The following SP4 variants were observed in gnomAD, a reference collection of about 807,000 sequenced individuals.
SP4 encodes Sp4 transcription factor, also known as transcription factor Sp4.
In SP4, 19 loss-of-function variants were observed where a neutral mutation model predicts 72.8. That is an observed-to-expected ratio of 0.26 (90% confidence interval 0.18 to 0.38). SP4 has a LOEUF of 0.38. SP4 is among the 10% of genes least tolerant of loss of function. The probability of loss-of-function intolerance (pLI) is 1.00; values close to 1 mark genes in which losing one functional copy is unlikely to be tolerated. For synonymous variants in SP4, 395 were observed against 333.1 expected, an observed-to-expected ratio of 1.19 and a Z score of -2.02; for missense variants, 1,008 against 926.3, an observed-to-expected ratio of 1.09 and a Z score of -1.14.
At chr7:21,495,423 A>T (rs571530253) in intron 5 of SP4, among the ~76,000 whole-genome samples, 40 of 150,796 alleles carry the variant, frequency 2.7e-4, no homozygotes, top group East Asian at 1.8e-3. Flanking sequence ...TTTTTTTTTT[A>T]AATGAGCAAA....
In SP4 at chr7:21,430,737, T is replaced by C. The variant is rs1440432009; in HGVS notation, c.1572T>C (p.Thr524=). 1.9e-6 allele frequency: 3 copies of C among 1,614,240 alleles called. No homozygotes were observed. The highest frequency in any genetic ancestry group is 2.5e-6 in the Non-Finnish European group (3 of 1,180,034). Residue 524 remains threonine, a synonymous_variant, in exon 3 of 6, where the codon ACT becomes ACC. Coordinates refer to ENST00000222584, the MANE Select transcript of SP4 (RefSeq NM_003112.5). ...CTGGTGCCCCAATAACTTTGAATAC[T>C]GCCCAGCTTGCATCAGTGCCTAACC... ...AVAGAPITLN[T]AQLASVPNLQ... is the part of the protein sequence containing the mutation.
chr7:21,495,570 C>G (rs921327671), intron 5 of SP4, among the ~76,000 whole-genome samples: 3 of 152,026 alleles, frequency 2.0e-5, no homozygotes, highest in African/African-American at 7.2e-5. Context: ...TGGCTAAAAT[C>G]AAAAGCAAGA....
chr7:21,480,997 G>T (rs1784669313), intron 4 of SP4, among the ~76,000 whole-genome samples: 1 of 152,182 alleles, frequency 6.6e-6, no homozygotes, highest in Non-Finnish European at 1.5e-5. Flanking sequence ...CCTGCTTTAA[G>T]AGCTGAGTGC....
At chr7:21,445,171 T>C (rs1783382446) in intron 3 of SP4, among the ~76,000 whole-genome samples, 1 of 152,138 alleles carries the variant, frequency 6.6e-6, no homozygotes, top group African/African-American at 2.4e-5. Context: ...TTTTTTCCCT[T>C]TCTTTTATTT....
At chr7:21,492,969 A>T (rs1165368445) in intron 5 of SP4, among the ~76,000 whole-genome samples, 2 of 152,202 alleles carry the variant, frequency 1.3e-5, no homozygotes, top group East Asian at 1.9e-4. Flanking sequence ...GGAGGCCAAG[A>T]CAGGTGGATC....
intron 3 of SP4, among the ~76,000 whole-genome samples, chr7:21,451,449 T>TA: frequency 6.6e-6 from 1 of 152,126 alleles, no homozygotes; most frequent in African/African-American, 2.4e-5. Context: ...TTTCCTCCCT[T>TA]AAGAGTCCAA....
intron 4 of SP4, among the ~76,000 whole-genome samples, chr7:21,480,412 G>T (rs1784651579): frequency 6.6e-6 from 1 of 152,076 alleles, no homozygotes; most frequent in Non-Finnish European, 1.5e-5. Flanking sequence ...CTTGTTGTAG[G>T]TGTATTCTGA....
At chr7:21,466,745 A>G (rs1367288330) in intron 3 of SP4, among the ~76,000 whole-genome samples, 1 of 152,152 alleles carries the variant, frequency 6.6e-6, no homozygotes, top group Non-Finnish European at 1.5e-5. Flanking sequence ...TCCATAAGGC[A>G]AAGAAGTATT....
chr7:21,468,692 C>T (rs1157794671), intron 3 of SP4, among the ~76,000 whole-genome samples: 1 of 151,954 alleles, frequency 6.6e-6, no homozygotes, highest in Non-Finnish European at 1.5e-5. Flanking sequence ...TAAATCATGA[C>T]AGTTTCGTTA....
chr7:21,447,919 A>G (rs1281488324), intron 3 of SP4, among the ~76,000 whole-genome samples: 2 of 152,174 alleles, frequency 1.3e-5, no homozygotes, highest in Admixed American at 6.5e-5. Flanking sequence ...CCTGACCTCA[A>G]GTGATCCTCT....
Position 21,429,995 on chromosome 7 carries a change from G to C in SP4, c.830G>C (p.Gly277Ala). ...ALPVINNVAAGGGTGQVGQPA... is the reference protein window; with the variant it reads ...ALPVINNVAAAGGTGQVGQPA... ...CCAGTGATAAACAACGTGGCTGCCG[G>C]AGGAGGGACTGGGCAGGTTGGCCAG... The change falls in exon 3 of 6, where the codon GGA (glycine) becomes GCA (alanine). Residue 277 changes from glycine (G) to alanine (A), a missense_variant. Transcript: ENST00000222584. The C allele has an allele frequency of 6.2e-7, 1 of 1,614,174 alleles. No individual in the cohort carries two copies. The highest frequency in any genetic ancestry group is 2.2e-5 in the East Asian group (1 of 44,882).
chr7:21,507,135 A>G (rs1212582404), intron 5 of SP4, among the ~76,000 whole-genome samples: 1 of 152,106 alleles, frequency 6.6e-6, no homozygotes, highest in East Asian at 1.9e-4. Flanking sequence ...TATCCTAGGA[A>G]TTGGTCCAGA....
In SP4 at chr7:21,428,274, C is replaced by A; in HGVS notation, c.7+16C>A. 2.0e-6 allele frequency: 3 copies of A among 1,471,694 alleles called. No homozygotes were observed. The highest frequency in any genetic ancestry group is 2.8e-6 in the Non-Finnish European group (3 of 1,074,062). The allele number at this position is 1,471,694 out of a possible 1,614,324, so 91.2% of individuals were successfully genotyped here. A position where few individuals can be genotyped will look rare whatever the true frequency, so the allele number is the denominator to read the frequency against. On this transcript the variant is annotated intron_variant, in intron 1 of 5. Transcript: ENST00000222584. ...GGGATGAGCGGTACGTATTCTCCAC[C>A]CCCCTCAGTCTCCTTCGCCGCCTCC... is the stretch of plus-strand genomic sequence containing the variant.
chr7:21,454,724 A>C (rs951055561), intron 3 of SP4, among the ~76,000 whole-genome samples: 1 of 152,188 alleles, frequency 6.6e-6, no homozygotes, highest in African/African-American at 2.4e-5. Context: ...GGCTCTCTCT[A>C]AACCTCTGAG....
chr7:21,484,249 A>G (rs1327234023), intron 5 of SP4, among the ~76,000 whole-genome samples: 1 of 151,996 alleles, frequency 6.6e-6, no homozygotes, highest in East Asian at 1.9e-4. Flanking sequence ...TTGCATGTGC[A>G]CAATGCAATA....
At chr7:21,470,711 T>C (rs2128406667) in intron 3 of SP4, among the ~76,000 whole-genome samples, 1 of 143,854 alleles carries the variant, frequency 7.0e-6, no homozygotes, top group Admixed American at 7.2e-5. Flanking sequence ...ACCAACAAAC[T>C]GTCCCCCTCC....
intron 3 of SP4, among the ~76,000 whole-genome samples, chr7:21,454,787 G>A (rs1783711033): frequency 6.6e-6 from 1 of 152,184 alleles, no homozygotes; most frequent in South Asian, 2.1e-4. Context: ...GCTTTCTGAA[G>A]AGAAATGGGG....
At chr7:21,508,807 CTTTT>C (rs11418275) in intron 5 of SP4, among the ~76,000 whole-genome samples, 5 of 111,534 alleles carry the variant, frequency 4.5e-5, no homozygotes, top group Admixed American at 9.8e-5. Flanking sequence ...TGTCTACACA[CTTTT>C]TTTTTTTTTT....
chr7:21,457,425 A>T lies in SP4; in HGVS notation c.1679-19654A>T, dbSNP rs186897258. On this transcript the variant is annotated intron_variant, in intron 3 of 5. Coordinates refer to ENST00000222584, the MANE Select transcript of SP4 (RefSeq NM_003112.5). ...CTCCAGTGTATAGATTGTGCCTTGC[A>T]TGTGGTTGGTGCTTAATGAATACTT... 3.3e-5 allele frequency among the ~76,000 whole-genome samples: 5 copies of T among 152,284 alleles called. No homozygotes were observed. The East Asian group carries it at 9.7e-4, about 29-fold the overall frequency.
Sources: gnomAD v4.1 joint callset for allele counts (sites outside exome capture counted in the v4.1 genomes callset) on GRCh38, gnomAD v4.1.1 for gene constraint, MANE v1.5 for transcripts, NCBI Gene and HGNC (gene_info 2026-07-23, HGNC 2026-07-21) for gene names.